ADAMTSL1: variants seen among roughly 807,000 people sequenced by gnomAD.
ADAMTSL1 encodes the protein ADAMTS-like protein 1.
ADAMTSL1 carries 126 observed loss-of-function variants against 201.8 expected under a neutral mutation model. That is an observed-to-expected ratio of 0.62 (90% CI 0.54 to 0.72). ADAMTSL1 has a LOEUF of 0.72. Ranked by LOEUF, ADAMTSL1 falls within the 30% of genes least tolerant of loss-of-function variation. ADAMTSL1 has a pLI of 0.00. For missense variants in ADAMTSL1, 2,679 were observed against 2,277.8 expected (o/e 1.18, Z -3.59); for synonymous variants, 1,121 against 903.4 (o/e 1.24, Z -4.32).
intron 1 of ADAMTSL1, among the ~76,000 whole-genome samples, chr9:18,069,848 T>C (rs906558666): frequency 4.6e-5 from 7 of 152,168 alleles, no homozygotes; most frequent in Non-Finnish European, 1.0e-4. Context: ...GAGAAAAGAA[T>C]CAATTAAAAG....
Position 18,406,311 on chromosome 9 carries a change from T to TTTCTTTTCTTTTCTTTTCTTTTCTG in ADAMTSL1, c.208-98494_208-98493insGTTCTTTTCTTTTCTTTTCTTTTCT, listed in dbSNP as rs1818197659. Among the ~76,000 whole-genome samples, 3 of 146,368 alleles carry TTTCTTTTCTTTTCTTTTCTTTTCTG rather than the reference T, an allele frequency of 2.0e-5. No individual in the cohort carries two copies. In the Admixed American group the frequency reaches 2.1e-4, roughly 10 times the overall value. ...AGTTTTTTCTTTTCTTTTCTTTTCTTTTCTTTTCTTTTCTTTTCTTTTCTT... is the reference window on the plus strand; with the variant it reads ...AGTTTTTTCTTTTCTTTTCTTTTCTTTTCTTTTCTTTTCTTTTCTTTTCTGTTCTTTTCTTTTCTTTTCTTTTCTT... On this transcript the variant is annotated intron_variant, in intron 2 of 29. Coordinates refer to the ADAMTSL1 transcript ENST00000680146.
chr9:18,842,556 G>A (rs559072124), intron 23 of ADAMTSL1, among the ~76,000 whole-genome samples: 15 of 152,244 alleles, frequency 9.9e-5, no homozygotes, highest in Non-Finnish European at 1.9e-4. Flanking sequence ...TATTAGGTCC[G>A]CTTGGTGCAG....
chr9:18,439,088 C>T (rs1819882117), intron 2 of ADAMTSL1, among the ~76,000 whole-genome samples: 2 of 151,904 alleles, frequency 1.3e-5, no homozygotes, highest in Admixed American at 1.3e-4. Flanking sequence ...CGTTGCATTC[C>T]GAAAGCATCT....
At chr9:18,674,106 T>C (rs10116980) in intron 9 of ADAMTSL1, among the ~76,000 whole-genome samples, 5,814 of 152,062 alleles carry the variant, frequency 0.038, 298 homozygotes, top group African/African-American at 0.12. Flanking sequence ...GTTCATTTCA[T>C]TCTTGTGTGA....
rs143871355 is a variant in ADAMTSL1 at position 18,462,831 on chromosome 9, C to T, written c.208-41998C>T. The stretch of plus-strand genomic sequence containing the variant: ...GCACGCACCTGTAATTCTAGCTACT[C>T]GGGAGGCTGAGGCAGGAGAATCACT... On this transcript the variant is annotated intron_variant, in intron 2 of 29. Transcript: ENST00000680146. Among the ~76,000 whole-genome samples, 384 of 151,796 alleles carry T rather than the reference C, an allele frequency of 2.5e-3. 1 individual carries two copies. The highest frequency in any genetic ancestry group is 8.6e-3 in the African/African-American group (357 of 41,370).
chr9:18,108,199 T>G (rs1437339656), intron 1 of ADAMTSL1, among the ~76,000 whole-genome samples: 5 of 131,608 alleles, frequency 3.8e-5, no homozygotes, highest in African/African-American at 1.9e-4. Flanking sequence ...GTGTGGAATT[T>G]TTTTTTTTTT....
chr9:18,728,475 A>C (rs574175078), intron 15 of ADAMTSL1, among the ~76,000 whole-genome samples: 3 of 152,332 alleles, frequency 2.0e-5, no homozygotes, highest in Non-Finnish European at 4.4e-5. Context: ...AAAAAAACAC[A>C]CACACACACA....
chr9:18,777,800 C>G lies in ADAMTSL1; in HGVS notation c.3571C>G (p.Leu1191Val), dbSNP rs1821151729. 1 of 1,613,802 alleles carries G rather than the reference C, an allele frequency of 6.2e-7. No individual in the cohort carries two copies. The highest frequency in any genetic ancestry group is 8.5e-7 in the Non-Finnish European group (1 of 1,179,832). The stretch of plus-strand genomic sequence containing the variant: ...CACCCACCTGGGGCAGACGGTGGCC[C>G]TGGCCAGCGGGACACTGAGTGTTCT... ...VVTHLGQTVALASGTLSVLLH... is the reference protein window; with the variant it reads ...VVTHLGQTVAVASGTLSVLLH... The change falls in exon 19 of 29, where the codon CTG becomes GTG. Residue 1191 changes from leucine (L) to valine (V), a missense_variant. By Grantham distance (32) the Leu-to-Val change is conservative (BLOSUM62 1). Coordinates refer to ENST00000380548, the MANE Select transcript of ADAMTSL1 (RefSeq NM_001040272.6).
In ADAMTSL1 at chr9:18,277,130, C is replaced by T. The variant is rs117119724; in HGVS notation, c.207+113149C>T. ...AGATACTTGATATGATTTTCATCTT[C>T]TTACATTTGAGACTTGTTTTGTGAC... On this transcript the variant is annotated intron_variant, in intron 2 of 29. Coordinates refer to the ADAMTSL1 transcript ENST00000680146. Among the ~76,000 whole-genome samples the T allele has an allele frequency of 3.3e-3, 500 of 152,294 alleles. 9 individuals carry two copies. The highest frequency in any genetic ancestry group is 0.021 in the East Asian group (108 of 5,180).
At chr9:17,942,308 G>A (rs1036286553) in intron 1 of ADAMTSL1, among the ~76,000 whole-genome samples, 6 of 152,068 alleles carry the variant, frequency 3.9e-5, no homozygotes, top group East Asian at 1.9e-4. Context: ...TATTACCTAC[G>A]TATAAAATAT....
intron 23 of ADAMTSL1, among the ~76,000 whole-genome samples, chr9:18,837,329 A>T (rs778146692): frequency 6.6e-6 from 1 of 152,254 alleles, no homozygotes; most frequent in Non-Finnish European, 1.5e-5. Flanking sequence ...CATCTAACTT[A>T]TCCACTACAA....
chr9:18,070,339 T>A (rs1822908115), intron 1 of ADAMTSL1, among the ~76,000 whole-genome samples: 1 of 152,162 alleles, frequency 6.6e-6, no homozygotes, highest in Non-Finnish European at 1.5e-5. Flanking sequence ...CAGGAGTTGC[T>A]TCAGAGAGGG....
chr9:18,753,848 C>G (rs1466375446), intron 16 of ADAMTSL1, among the ~76,000 whole-genome samples: 1 of 152,124 alleles, frequency 6.6e-6, no homozygotes, highest in Non-Finnish European at 1.5e-5. Flanking sequence ...TAAATTTGTT[C>G]TTAATTTACA....
intron 15 of ADAMTSL1, among the ~76,000 whole-genome samples, chr9:18,737,996 T>C (rs1442061405): frequency 6.6e-6 from 1 of 152,184 alleles, no homozygotes; most frequent in Non-Finnish European, 1.5e-5. Flanking sequence ...AGATAAAGAT[T>C]TTTAAAAGTA....
intron 2 of ADAMTSL1, among the ~76,000 whole-genome samples, chr9:18,387,049 A>G (rs1187136053): frequency 1.3e-5 from 2 of 152,088 alleles, no homozygotes; most frequent in African/African-American, 4.8e-5. Context: ...TGTTCACGAA[A>G]TATTGTTAGG....
chr9:18,019,756 C>A lies in ADAMTSL1; in HGVS notation c.87+112834C>A, dbSNP rs535484557. ...TAGAATGAAGAAAGGTCTTTGGAAT[C>A]TCAGAATTCTACTGGCAGGAAGCAG... On this transcript the variant is annotated intron_variant, in intron 1 of 29. Transcript: ENST00000680146. 2.0e-5 allele frequency among the ~76,000 whole-genome samples: 3 copies of A among 152,186 alleles called. No individual in the cohort carries two copies. The East Asian group carries it at 5.8e-4, about 30-fold the overall frequency.
At chr9:18,681,698 G>GTGTTTGGA (rs66675938) in intron 11 of ADAMTSL1, 114 bp from the exon 12 acceptor site, 2 of 323,008 alleles carry the variant, frequency 6.2e-6, no homozygotes, top group Non-Finnish European at 9.2e-6. Flanking sequence ...GTCCTCGTGT[G>GTGTTTGGA]GGGGGGGGGG....
rs190070672 is a variant in ADAMTSL1, at chr9:18,423,393, C to G, written c.208-81436C>G. Among the ~76,000 whole-genome samples, 7 of 152,292 alleles carry G rather than the reference C, an allele frequency of 4.6e-5. No homozygotes were observed. In the East Asian group the frequency reaches 1.2e-3, roughly 25 times the overall value. On this transcript the variant is annotated intron_variant, in intron 2 of 29. Coordinates refer to the ADAMTSL1 transcript ENST00000680146. ...AAGCTGATAATCCTGAGTCTCTGGT[C>G]CAACTGATTCCCCGTTAGATTCACA...
intron 2 of ADAMTSL1, among the ~76,000 whole-genome samples, chr9:18,464,890 G>A (rs1451837796): frequency 1.3e-5 from 2 of 152,202 alleles, no homozygotes; most frequent in African/African-American, 2.4e-5. Flanking sequence ...TTTAGCCATT[G>A]AGCATAGATT....
Sources: allele counts gnomAD v4.1 joint callset (sites outside exome capture counted in the v4.1 genomes callset), GRCh38; gene constraint gnomAD v4.1.1; transcripts MANE v1.5; gene names NCBI Gene and HGNC (gene_info 2026-07-23, HGNC 2026-07-21).